Variants in RGPD2 observed in about 807,000 individuals in gnomAD.
RGPD2 encodes RANBP2 like and GRIP domain containing 2.
In RGPD2, 2 loss-of-function variants were observed where a neutral mutation model predicts 36.0. The observed-to-expected ratio is 0.06, with a 90% CI of 0.02 to 0.17. The LOEUF is 0.17. RGPD2 is among the 10% of genes least tolerant of loss of function. The pLI is 1.00. For synonymous variants in RGPD2, 19 were observed against 163.8 expected (o/e 0.12, Z 6.75); for missense variants, 40 against 464.3 (o/e 0.09, Z 8.40).
chr2:87,813,638 GA>G (rs1261586555), intron 4 of RGPD2, among the ~76,000 whole-genome samples: 3 of 114,986 alleles, frequency 2.6e-5, no homozygotes. Context: ...TGAGATGGAT[GA>G]TACCCTGGTC....
the RGPD2 span, among the ~76,000 whole-genome samples, chr2:87,880,246 T>C: frequency 2.0e-5 from 3 of 152,246 alleles, no homozygotes; most frequent in African/African-American, 7.2e-5. Flanking sequence ...CATATATTTT[T>C]CCCATCCCAT....
the RGPD2 span, among the ~76,000 whole-genome samples, chr2:87,883,407 C>T: frequency 6.6e-5 from 10 of 151,378 alleles, no homozygotes; most frequent in South Asian, 1.5e-3. Flanking sequence ...AAAAAAAAGG[C>T]CCTAATAAAA....
chr2:87,910,574 A>G, the RGPD2 span, among the ~76,000 whole-genome samples: 1 of 152,196 alleles, frequency 6.6e-6, no homozygotes, highest in Non-Finnish European at 1.5e-5. Flanking sequence ...TATTCATTCA[A>G]CAAATACAGC....
chr2:87,854,907 A>G, the RGPD2 span, among the ~76,000 whole-genome samples: 1 of 152,220 alleles, frequency 6.6e-6, no homozygotes, highest in East Asian at 1.9e-4. Context: ...TTCAAGTTGT[A>G]TGTGATGATT....
the RGPD2 span, among the ~76,000 whole-genome samples, chr2:87,915,550 G>A: frequency 7.3e-6 from 1 of 137,498 alleles, no homozygotes; most frequent in East Asian, 2.0e-4. Flanking sequence ...ATATATATGT[G>A]TATGTGTATA....
At chr2:87,839,335 TAAC>T in the RGPD2 span, among the ~76,000 whole-genome samples, 2 of 152,010 alleles carry the variant, frequency 1.3e-5, no homozygotes, top group Non-Finnish European at 2.9e-5. Context: ...TACCATCTAA[TAAC>T]AGTCAGAATG....
chr2:87,843,041 A>C, the RGPD2 span, among the ~76,000 whole-genome samples: 53 of 151,878 alleles, frequency 3.5e-4, no homozygotes, highest in African/African-American at 1.2e-3. Flanking sequence ...CCTTCCTTAC[A>C]CCTTATATAA....
chr2:87,825,975 G>A (rs1686798473), upstream of RGPD2: 9 of 485,326 alleles, frequency 1.9e-5, no homozygotes, highest in South Asian at 1.7e-4. Flanking sequence ...CGTGGCTCAC[G>A]CCTGTAATCC....
intron 22 of RGPD2, among the ~76,000 whole-genome samples, chr2:87,769,490 C>T (rs1286581467): frequency 1.3e-5 from 2 of 148,866 alleles, no homozygotes; most frequent in Admixed American, 6.7e-5. Context: ...TGTATCTCCT[C>T]TATGAAATTC....
chr2:87,818,020 TAAAAAAAAA>T (rs1175812254), intron 2 of RGPD2, among the ~76,000 whole-genome samples: 3 of 65,334 alleles, frequency 4.6e-5, no homozygotes, highest in East Asian at 2.0e-3. Context: ...AGATACTGAC[TAAAAAAAAA>T]AAAAAAAAAA....
At chr2:87,864,435 GCC>G in the RGPD2 span, among the ~76,000 whole-genome samples, 1 of 152,224 alleles carries the variant, frequency 6.6e-6, no homozygotes. Context: ...TGATGCTCAG[GCC>G]TTTGGACTTG....
the RGPD2 span, chr2:87,972,700 G>A: frequency 5.0e-6 from 8 of 1,589,840 alleles, no homozygotes; most frequent in South Asian, 2.2e-5. Flanking sequence ...AGGCCTGGGG[G>A]GCACTTCGGG....
chr2:87,830,259 C>T (rs1176810670), upstream of RGPD2, among the ~76,000 whole-genome samples: 4 of 152,280 alleles, frequency 2.6e-5, no homozygotes, highest in Non-Finnish European at 5.9e-5. Context: ...TGGGTACTTT[C>T]ACAGCATTTT....
At chr2:87,919,808 T>A in the RGPD2 span, among the ~76,000 whole-genome samples, 1 of 150,370 alleles carries the variant, frequency 6.7e-6, no homozygotes, top group Non-Finnish European at 1.5e-5. Context: ...CATATATAAT[T>A]TCGTGTAATC....
At chr2:87,763,250 C>T (rs1266927193) in intron 22 of RGPD2, among the ~76,000 whole-genome samples, 17 of 145,752 alleles carry the variant, frequency 1.2e-4, no homozygotes, top group South Asian at 2.2e-4. Context: ...CTCCGCCTCC[C>T]GGGTTCGCGC....
chr2:87,875,168 C>T, the RGPD2 span, among the ~76,000 whole-genome samples: 1 of 152,076 alleles, frequency 6.6e-6, no homozygotes, highest in Non-Finnish European at 1.5e-5. Context: ...ATTTCGCTTC[C>T]TTTCTTTTTA....
chr2:87,943,461 C>T, the RGPD2 span, among the ~76,000 whole-genome samples: 5 of 151,906 alleles, frequency 3.3e-5, no homozygotes, highest in East Asian at 9.7e-4. Flanking sequence ...TTATTTTGTT[C>T]CATAATGTTG....
chr2:87,985,824 G>A, the RGPD2 span: 1 of 1,611,222 alleles, frequency 6.2e-7, no homozygotes, highest in South Asian at 1.1e-5. Flanking sequence ...GGGTCCTACT[G>A]GAGCACTGTG....
Position 87,783,250 on chromosome 2 carries a change from GCTA to G in RGPD2, c.3771_3773del (p.Ser1259del), listed in dbSNP as rs1201032665. 5 of 576,786 alleles carry G rather than the reference GCTA, an allele frequency of 8.7e-6. No individual in the cohort carries two copies. Among genetic ancestry groups the G allele is most frequent in the Non-Finnish European group, 1.5e-5 (5 of 339,126 alleles). 35.7% of individuals were successfully genotyped at this position (576,786 alleles called of 1,614,324 possible). On this transcript the variant is annotated inframe_deletion, in exon 20 of 23. Transcript: ENST00000398146. The stretch of plus-strand genomic sequence containing the variant: ...TTGCCAACGGAGAATCATGTACTGA[GCTA>G]CTACTAACATTATCATCCAAAGCAT...
Sources: gnomAD v4.1 joint callset for allele counts (sites outside exome capture counted in the v4.1 genomes callset) on GRCh38, gnomAD v4.1.1 for gene constraint, MANE v1.5 for transcripts, NCBI Gene and HGNC (gene_info 2026-07-23, HGNC 2026-07-21) for gene names.